The following SIRT5 variants were observed in gnomAD, a reference collection of about 807,000 sequenced individuals.
SIRT5 encodes the protein NAD-dependent protein deacylase sirtuin-5, mitochondrial.
SIRT5 carries 26 observed loss-of-function variants against 40.0 expected under a neutral mutation model. The observed-to-expected ratio is 0.65, with a 90% CI of 0.48 to 0.90. The LOEUF (loss-of-function observed/expected upper bound fraction) is 0.90, where lower values mean the gene tolerates loss of function less well. SIRT5 is among the 40% of genes least tolerant of loss of function. The pLI is 0.00. For synonymous variants in SIRT5, 146 were observed against 149.1 expected, an observed-to-expected ratio of 0.98 and a Z score of 0.15; for missense variants, 401 against 402.4, an observed-to-expected ratio of 1.00 and a Z score of 0.03.
Position 13,588,467 on chromosome 6 carries a change from T to G in SIRT5, c.249+3T>G, listed in dbSNP as rs200290712. 3.7e-6 allele frequency: 6 copies of G among 1,612,942 alleles called. No homozygotes were observed. Among genetic ancestry groups the G allele is most frequent in the Non-Finnish European group, 5.1e-6 (6 of 1,179,586 alleles). The stretch of plus-strand genomic sequence containing the variant: ...ATTGGAGAAAATGGCAAGCCCAGGT[T>G]TGTAAAGTTTCCAGAACATTAAAAG... On this transcript the variant is annotated splice_donor_region_variant and intron_variant, in intron 4 of 9. Transcript: ENST00000606117.
intron 2 of SIRT5, among the ~76,000 whole-genome samples, chr6:13,580,198 C>G (rs1416376587): frequency 6.6e-6 from 1 of 152,172 alleles, no homozygotes; most frequent in Admixed American, 6.5e-5. Flanking sequence ...GACACTACAC[C>G]ATGTTTCTCT....
intron 2 of SIRT5, among the ~76,000 whole-genome samples, chr6:13,582,140 C>T (rs1439772967): frequency 6.6e-6 from 1 of 152,126 alleles, no homozygotes; most frequent in Non-Finnish European, 1.5e-5. Flanking sequence ...CAAGTGTGTT[C>T]CTTGGACTGG....
chr6:13,600,985 G>A, intron 9 of SIRT5, 36 bp downstream of exon 9: 2 of 1,514,900 alleles, frequency 1.3e-6, no homozygotes, highest in Non-Finnish European at 1.8e-6. Context: ...GGAGATGTGG[G>A]AGGCAGGTAC....
chr6:13,597,167 T>G, intron 7 of SIRT5, 151 bp downstream of exon 7: 1 of 629,500 alleles, frequency 1.6e-6, no homozygotes, highest in Non-Finnish European at 2.7e-6. Context: ...AGACCAAAAG[T>G]GAAAGGACAA....
chr6:13,576,494 G>A (rs1050655462), intron 1 of SIRT5, among the ~76,000 whole-genome samples: 1 of 151,924 alleles, frequency 6.6e-6, no homozygotes, highest in Non-Finnish European at 1.5e-5. Flanking sequence ...TTTTTTAACC[G>A]GGTTATTCGT....
At chr6:13,605,606 T>C (rs1447925959) in intron 9 of SIRT5, 3 of 985,312 alleles carry the variant, frequency 3.0e-6, no homozygotes, top group African/African-American at 1.7e-5. Flanking sequence ...CCCACAGGAA[T>C]GTATTTCTAT....
intron 9 of SIRT5, among the ~76,000 whole-genome samples, 178 bp downstream of exon 9, chr6:13,601,127 G>T (rs538231333): frequency 1.3e-5 from 2 of 152,176 alleles, no homozygotes; most frequent in Non-Finnish European, 2.9e-5. Flanking sequence ...CTAAGGTAGG[G>T]TAGCTCTGTC....
At position 13,584,115 on chromosome 6, in the gene SIRT5, G is replaced by T; in HGVS notation, c.5G>T (p.Arg2Leu). The T allele has an allele frequency of 1.2e-6, 2 of 1,613,316 alleles. No homozygotes were observed. Among genetic ancestry groups the T allele is most frequent in the Non-Finnish European group, 1.7e-6 (2 of 1,179,528 alleles). The part of the protein sequence containing the change: M[R>L]PLQIVPSRLI... ...TAGAACTACAGACAAACCCTGATGC[G>T]ACCTCTCCAGATTGTCCCAAGTCGA... The change falls in exon 3 of 10, where the codon CGA becomes CTA. Residue 2 changes from arginine (R) to leucine (L), a missense_variant. Physicochemically the swap from Arg to Leu is moderately radical, Grantham distance 102. Coordinates refer to ENST00000606117, the MANE Select transcript of SIRT5 (RefSeq NM_012241.5).
rs201667999 is a variant in SIRT5, at chr6:13,579,437, G to A, written c.-194-14G>A. 6.6e-6 allele frequency: 1 copy of A among 151,502 alleles called. No individual in the cohort carries two copies. The highest frequency in any genetic ancestry group is 1.5e-5 in the Non-Finnish European group (1 of 67,886). The allele number at this position is 151,502 out of a possible 1,614,324, so 9.4% of individuals were successfully genotyped here. A position where few individuals can be genotyped will look rare whatever the true frequency, so the allele number is the denominator to read the frequency against. On this transcript the variant is annotated splice_polypyrimidine_tract_variant and intron_variant, in intron 1 of 9. Transcript: ENST00000606117. ...TGACAGTTTATTCAGTAGTTTTTTT[G>A]AATTCTTTTACAGTAAATGGAAATG...
chr6:13,591,966 C>A, intron 5 of SIRT5, 72 bp downstream of exon 5: 1 of 1,368,906 alleles, frequency 7.3e-7, no homozygotes. Context: ...AGCATCACCT[C>A]TGGTGCCTTC....
chr6:13,587,207 G>A (rs1760190811), intron 3 of SIRT5, among the ~76,000 whole-genome samples: 1 of 152,214 alleles, frequency 6.6e-6, no homozygotes, highest in East Asian at 1.9e-4. Context: ...AGGCAGTGAG[G>A]TACAGCACTC....
intron 9 of SIRT5, chr6:13,604,865 G>T (rs201862141): frequency 1.7e-5 from 17 of 1,019,312 alleles, no homozygotes; most frequent in Non-Finnish European, 2.0e-5. Context: ...TAACAAACAG[G>T]CTACTTGCTA....
rs1027899614 is a variant in SIRT5 at position 13,605,769 on chromosome 6, A to AG, written c.857+4825dup. On this transcript the variant is annotated intron_variant, in intron 9 of 9. Transcript: ENST00000606117. ...AGTGTTTTGACTGTTACTCAACCCC[A>AG]GGGGGCCTTGGCTTGTAGGATTTGT... The AG allele has an allele frequency of 6.1e-6, 6 of 985,330 alleles. No individual in the cohort carries two copies. In the South Asian group the frequency reaches 2.8e-4, roughly 46 times the overall value. The allele number at this position is 985,330 out of a possible 1,614,324, so 61.0% of individuals were successfully genotyped here.
In SIRT5 at chr6:13,595,520, T is replaced by G. The variant is rs1761456375; in HGVS notation, c.519T>G (p.Ala173=). The G allele has an allele frequency of 6.2e-7, 1 of 1,614,186 alleles. No homozygotes were observed. Among genetic ancestry groups the G allele is most frequent in the South Asian group, 1.1e-5 (1 of 91,086 alleles). ...KTRCTSCGVV[A]ENYKSPICPA... ...GATGTACCTCTTGTGGAGTTGTGGC[T>G]GAGAATTACAAGAGTCCAATTTGTC... Residue 173 remains alanine (A), a synonymous_variant, in exon 6 of 10, where the codon GCT becomes GCG. Transcript: ENST00000606117.
chr6:13,598,045 C>G (rs949020850), intron 7 of SIRT5, among the ~76,000 whole-genome samples: 2 of 152,156 alleles, frequency 1.3e-5, no homozygotes, highest in Non-Finnish European at 2.9e-5. Flanking sequence ...CACATTGCTG[C>G]CTTCTAAAAA....
intron 1 of SIRT5, among the ~76,000 whole-genome samples, chr6:13,578,616 CAAAA>C (rs60663066): frequency 1.1e-4 from 4 of 36,774 alleles, no homozygotes; most frequent in Non-Finnish European, 1.8e-4. Context: ...GACTCCATCT[CAAAA>C]AAAAAAAAAA....
chr6:13,600,523 ATTTG>A (rs1450367256), intron 8 of SIRT5, among the ~76,000 whole-genome samples: 2 of 152,242 alleles, frequency 1.3e-5, no homozygotes, highest in African/African-American at 2.4e-5. Context: ...GTTATGGATC[ATTTG>A]TTTAACTTTA....
intron 4 of SIRT5, among the ~76,000 whole-genome samples, chr6:13,590,247 CAG>C (rs2127650446): frequency 6.6e-6 from 1 of 152,244 alleles, no homozygotes. Context: ...TATCAAGAAA[CAG>C]AATGTTTCAG....
At chr6:13,587,945 T>A (rs934481965) in intron 3 of SIRT5, among the ~76,000 whole-genome samples, 2 of 152,186 alleles carry the variant, frequency 1.3e-5, no homozygotes, top group African/African-American at 4.8e-5. Context: ...TTTACTTTTA[T>A]GAAGGAAGAT....
Sources: gnomAD v4.1 joint callset for allele counts (sites outside exome capture counted in the v4.1 genomes callset) on GRCh38, gnomAD v4.1.1 for gene constraint, MANE v1.5 for transcripts, NCBI Gene and HGNC (gene_info 2026-07-23, HGNC 2026-07-21) for gene names.